Variants in TMEM117 observed in about 807,000 individuals in gnomAD.
TMEM117 encodes the protein transmembrane protein 117.
A neutral mutation model predicts 52.4 loss-of-function variants in TMEM117; 27 were observed. The ratio of observed to expected loss-of-function variants is 0.51; its 90% confidence interval spans 0.38 to 0.71. TMEM117 has a LOEUF of 0.71. TMEM117 is among the 30% of genes least tolerant of loss of function. The pLI, the probability that TMEM117 is intolerant of heterozygous loss-of-function variation, is 0.00. For synonymous variants in TMEM117, 215 were observed against 206.3 expected, an observed-to-expected ratio of 1.04 and a Z score of -0.36; for missense variants, 556 against 630.5, an observed-to-expected ratio of 0.88 and a Z score of 1.26.
At chr12:44,005,903 T>C (rs1299599679) in intron 3 of TMEM117, among the ~76,000 whole-genome samples, 2 of 152,226 alleles carry the variant, frequency 1.3e-5, no homozygotes, top group Non-Finnish European at 2.9e-5. Context: ...CCTGCTGCCA[T>C]CTGTGTAAGA....
chr12:43,805,429 C>T, the TMEM117 span: 2 of 398,644 alleles, frequency 5.0e-6, no homozygotes, highest in African/African-American at 4.1e-5. Flanking sequence ...GAAAGACTCG[C>T]TATTAACAGT....
At chr12:43,797,442 A>T in the TMEM117 span, 49 of 1,590,232 alleles carry the variant, frequency 3.1e-5, no homozygotes, top group Non-Finnish European at 3.6e-5. Context: ...TTCATTTTTT[A>T]TATCTATTTC....
the TMEM117 span, chr12:43,804,247 C>A: frequency 2.0e-6 from 1 of 496,180 alleles, no homozygotes. Flanking sequence ...GAAACTGAGA[C>A]ACAAAAAGTA....
At chr12:44,267,064 T>C (rs1477430232) in intron 5 of TMEM117, among the ~76,000 whole-genome samples, 1 of 152,100 alleles carries the variant, frequency 6.6e-6, no homozygotes, top group Admixed American at 6.6e-5. Flanking sequence ...GCAGCTGGGA[T>C]TTTGGTAGGG....
chr12:44,125,139 C>T (rs1042666017), intron 3 of TMEM117, among the ~76,000 whole-genome samples: 3 of 152,028 alleles, frequency 2.0e-5, no homozygotes, highest in African/African-American at 7.2e-5. Flanking sequence ...GAGTCTTGCT[C>T]TTTCGCCCAG....
At chr12:43,961,586 A>T (rs1945404371) in intron 3 of TMEM117, among the ~76,000 whole-genome samples, 1 of 152,212 alleles carries the variant, frequency 6.6e-6, no homozygotes, top group Admixed American at 6.5e-5. Flanking sequence ...AAAAGTAAAT[A>T]TTAAAATCTA....
intron 3 of TMEM117, among the ~76,000 whole-genome samples, chr12:44,018,736 T>C (rs1946410022): frequency 6.6e-6 from 1 of 151,886 alleles, no homozygotes; most frequent in African/African-American, 2.4e-5. Context: ...TTTTTTTTTT[T>C]TTTAGAAGAA....
At chr12:44,159,706 A>G (rs984144114) in intron 4 of TMEM117, among the ~76,000 whole-genome samples, 1 of 152,288 alleles carries the variant, frequency 6.6e-6, no homozygotes, top group Middle Eastern at 3.4e-3. Context: ...CCCTAAACAT[A>G]AGTATATTTA....
At chr12:44,397,583 A>T in the TMEM117 span, among the ~76,000 whole-genome samples, 1 of 152,204 alleles carries the variant, frequency 6.6e-6, no homozygotes, top group Non-Finnish European at 1.5e-5. Context: ...TACTTTTATA[A>T]CTGGTATCTC....
chr12:44,365,295 T>C (rs1460867794), intron 6 of TMEM117, among the ~76,000 whole-genome samples: 1 of 151,814 alleles, frequency 6.6e-6, no homozygotes, highest in Non-Finnish European at 1.5e-5. Flanking sequence ...TAGCAAAAAA[T>C]CCTAAGAAAA....
the TMEM117 span, among the ~76,000 whole-genome samples, chr12:43,806,728 T>C: frequency 2.0e-5 from 3 of 152,248 alleles, no homozygotes; most frequent in Non-Finnish European, 4.4e-5. Context: ...TACCGTTTAG[T>C]GTAGAAAAGC....
At chr12:44,351,923 A>G (rs1267680402) in intron 6 of TMEM117, among the ~76,000 whole-genome samples, 2 of 151,904 alleles carry the variant, frequency 1.3e-5, no homozygotes, top group African/African-American at 2.4e-5. Flanking sequence ...GCATTAGTAG[A>G]TATATCACCA....
chr12:43,824,851 G>A, the TMEM117 span, among the ~76,000 whole-genome samples: 7 of 152,162 alleles, frequency 4.6e-5, no homozygotes, highest in African/African-American at 1.4e-4. Flanking sequence ...GTGTGAACCC[G>A]GGAGGCGAAG....
intron 3 of TMEM117, among the ~76,000 whole-genome samples, chr12:44,045,285 A>AC (rs1946863004): frequency 6.6e-6 from 1 of 152,144 alleles, no homozygotes. Flanking sequence ...AGCAGTAGAG[A>AC]CCAACACTGA....
At chr12:43,980,268 T>A (rs886213612) in intron 3 of TMEM117, among the ~76,000 whole-genome samples, 1 of 152,140 alleles carries the variant, frequency 6.6e-6, no homozygotes. Flanking sequence ...CTCTTCTGTG[T>A]GGAGTGGGAT....
At chr12:44,371,584 C>T (rs1013727635) in intron 6 of TMEM117, among the ~76,000 whole-genome samples, 1 of 152,068 alleles carries the variant, frequency 6.6e-6, no homozygotes, top group Non-Finnish European at 1.5e-5. Context: ...CATTTTTATC[C>T]TCTAACACTT....
intron 2 of TMEM117, among the ~76,000 whole-genome samples, chr12:43,900,311 AC>A (rs1944282283): frequency 6.6e-6 from 1 of 152,204 alleles, no homozygotes; most frequent in Admixed American, 6.5e-5. Flanking sequence ...TTAGGAAGTT[AC>A]AGCAGCGACC....
chr12:44,325,727 T>C (rs550352613), intron 6 of TMEM117, among the ~76,000 whole-genome samples: 61 of 152,202 alleles, frequency 4.0e-4, no homozygotes, highest in Admixed American at 1.2e-3. Context: ...AGATTGAATC[T>C]ACCCAAGAAT....
intron 3 of TMEM117, among the ~76,000 whole-genome samples, chr12:44,079,627 A>G (rs1201624744): frequency 6.6e-6 from 1 of 152,220 alleles, no homozygotes; most frequent in South Asian, 2.1e-4. Flanking sequence ...TATTTTAGAT[A>G]AGGCAGATAT....
Sources: allele counts gnomAD v4.1 joint callset (sites outside exome capture counted in the v4.1 genomes callset), GRCh38; gene constraint gnomAD v4.1.1; transcripts MANE v1.5; gene names NCBI Gene and HGNC (gene_info 2026-07-23, HGNC 2026-07-21).